SRCIN1: variants seen among roughly 807,000 people sequenced by gnomAD.
SRCIN1 encodes P130Cas-associated protein.
Under a neutral mutation model 116.2 loss-of-function variants are expected in SRCIN1, and 50 were observed. The ratio of observed to expected loss-of-function variants is 0.43; its 90% CI spans 0.34 to 0.54. The LOEUF is 0.54. Among genes scored for constraint, SRCIN1 ranks in the 20% least tolerant of loss-of-function variants. The probability of loss-of-function intolerance (pLI) is 0.02; values close to 1 mark genes in which losing one functional copy is unlikely to be tolerated. For synonymous variants in SRCIN1, 736 were observed against 750.0 expected (o/e 0.98, Z 0.30); for missense variants, 1,446 against 1,672.0 (o/e 0.86, Z 2.36).
chr17:38,541,032 G>A (rs1191153523), intron 18 of SRCIN1, among the ~76,000 whole-genome samples: 1 of 152,030 alleles, frequency 6.6e-6, no homozygotes, highest in Non-Finnish European at 1.5e-5. Context: ...GAGGTCAGGA[G>A]TTCAAGACCA....
In SRCIN1 at chr17:38,561,529, G is replaced by A; in HGVS notation, c.1634C>T (p.Pro545Leu). The change falls in exon 7 of 19, where the codon CCT (proline) becomes CTT (leucine). Residue 545 changes from proline (P) to leucine (L), a missense_variant. By Grantham distance (98) the Pro-to-Leu change is moderately conservative. Around this residue, in one of 5 missense-constraint regions of SRCIN1, gnomAD observed 398 missense variants for 385.6 expected, o/e 1.03. Transcript: ENST00000617146. ...TAGAPPSELF[P>L]GPGERSLVGF... is the part of the protein sequence containing the mutation. Reference sequence around the variant, plus strand: ...AACCAGCGAGCGTTCCCCAGGCCCAGGGAAGAGCTCCGAAGGGGGAGCTCC... The same window carrying A: ...AACCAGCGAGCGTTCCCCAGGCCCAAGGAAGAGCTCCGAAGGGGGAGCTCC... The A allele has an allele frequency of 1.9e-6, 3 of 1,599,496 alleles. No individual in the cohort carries two copies. The highest frequency in any genetic ancestry group is 2.5e-6 in the Non-Finnish European group (3 of 1,177,182).
At chr17:38,605,558 G>A in intron 1 of SRCIN1, 126 bp downstream of exon 1, 2 of 628,278 alleles carry the variant, frequency 3.2e-6, no homozygotes, top group Non-Finnish European at 4.7e-6. Context: ...CGCCCCGCCG[G>A]CCACCGCCTC....
At chr17:38,594,224 G>C (rs938782660) in intron 1 of SRCIN1, among the ~76,000 whole-genome samples, 3 of 152,198 alleles carry the variant, frequency 2.0e-5, no homozygotes, top group Admixed American at 6.6e-5. Context: ...GTCTCTCCGC[G>C]TTCTCCTGGC....
intron 2 of SRCIN1, among the ~76,000 whole-genome samples, chr17:38,570,326 C>A (rs1906997107): frequency 6.6e-6 from 1 of 152,212 alleles, no homozygotes; most frequent in African/African-American, 2.4e-5. Flanking sequence ...TAGCCAGTCA[C>A]AGAGGACAAG....
At chr17:38,555,724 C>A (rs1905742001) in intron 11 of SRCIN1, among the ~76,000 whole-genome samples, 1 of 152,192 alleles carries the variant, frequency 6.6e-6, no homozygotes, top group South Asian at 2.1e-4. Flanking sequence ...TCACACTAGA[C>A]CAACATCAGC....
chr17:38,559,354 C>G, intron 10 of SRCIN1: 1 of 562,514 alleles, frequency 1.8e-6, no homozygotes, highest in South Asian at 2.2e-5. Context: ...GAGGGGGTCA[C>G]GGGCGAGGGA....
Position 38,551,355 on chromosome 17 carries a change from G to A in SRCIN1, c.2762C>T (p.Ala921Val), listed in dbSNP as rs199667122. The A allele has an allele frequency of 1.9e-6, 3 of 1,613,382 alleles. No homozygotes were observed. Among genetic ancestry groups the A allele is most frequent in the African/African-American group, 1.3e-5 (1 of 75,018 alleles). The change falls in exon 15 of 19, where the codon GCC becomes GTC. Residue 921 changes from alanine to valine, a missense_variant. Ala to Val is a moderately conservative substitution (Grantham distance 64, BLOSUM62 0). Transcript: ENST00000617146. ...AERDWEEKRA[A>V]LTQYSAKDIN... The stretch of plus-strand genomic sequence containing the variant: ...GTCCTTGGCACTGTACTGGGTCAGG[G>A]CTGCCCGCTTCTCCTCCCAGTCTCG...
chr17:38,571,581 C>T (rs1451899447), intron 2 of SRCIN1, among the ~76,000 whole-genome samples: 1 of 152,132 alleles, frequency 6.6e-6, no homozygotes, highest in Non-Finnish European at 1.5e-5. Flanking sequence ...CTGTCTCCCT[C>T]CCCCATAGTC....
chr17:38,540,396 C>T (rs1265161116), intron 18 of SRCIN1, among the ~76,000 whole-genome samples: 1 of 150,826 alleles, frequency 6.6e-6, no homozygotes, highest in African/African-American at 2.4e-5. Context: ...CCTTGGGCAC[C>T]GCCCCCCCAA....
At chr17:38,559,851 TAC>T in intron 9 of SRCIN1, 79 bp from the exon 10 acceptor site, 1 of 1,438,508 alleles carries the variant, frequency 7.0e-7, no homozygotes, top group Non-Finnish European at 9.3e-7. Flanking sequence ...AAGTCCTCCC[TAC>T]TCTCCGACCC....
In SRCIN1 at chr17:38,561,481, G is replaced by A; in HGVS notation, c.1682C>T (p.Ala561Val). 1.3e-6 allele frequency: 2 copies of A among 1,590,492 alleles called. No homozygotes were observed. Among genetic ancestry groups the A allele is most frequent in the Non-Finnish European group, 1.7e-6 (2 of 1,175,850 alleles). Reference sequence around the variant, plus strand: ...CCCTCACCTGGTCTCCGTGTCCTTGGCTGGCACTGGCGGCCCGAACCCAAC... The same window carrying A: ...CCCTCACCTGGTCTCCGTGTCCTTGACTGGCACTGGCGGCCCGAACCCAAC... The part of the protein sequence containing the change: ...SLVGFGPPVP[A>V]KDTETRERME... Residue 561 changes from alanine (A) to valine (V), a missense_variant, in exon 7 of 19, where the codon GCC (alanine) becomes GTC (valine). Ala to Val is a moderately conservative substitution (Grantham distance 64). Coordinates refer to ENST00000617146, the MANE Select transcript of SRCIN1 (RefSeq NM_025248.3).
In SRCIN1 at chr17:38,552,971, G is replaced by A. The variant is rs1413296002; in HGVS notation, c.2202-116C>T. On this transcript the variant is annotated intron_variant, in intron 11 of 18. Transcript: ENST00000617146. This position sits in a 1 kb window ranked among gnomAD's most constrained non-coding sequence, Gnocchi z 5.3. The stretch of plus-strand genomic sequence containing the variant: ...CCAGTTGGATCGAAAGTAAAAGCAG[G>A]AGGCTGGGCACCGTGGCTCACGCCC... 4.0e-6 allele frequency: 6 copies of A among 1,485,064 alleles called. No individual in the cohort carries two copies. The highest frequency in any genetic ancestry group is 4.5e-6 in the Non-Finnish European group (5 of 1,109,540). The allele number at this position is 1,485,064 out of a possible 1,614,324, so 92.0% of individuals were successfully genotyped here.
At chr17:38,535,063 TG>T (rs2040980329) in intron 18 of SRCIN1, among the ~76,000 whole-genome samples, 1 of 152,000 alleles carries the variant, frequency 6.6e-6, no homozygotes, top group East Asian at 1.9e-4. Flanking sequence ...GCTCAGGAGG[TG>T]GAAGTGGCAG....
At chr17:38,533,968 T>TCCACCACCACCACCA (rs142815334) in intron 18 of SRCIN1, among the ~76,000 whole-genome samples, 2 of 151,742 alleles carry the variant, frequency 1.3e-5, no homozygotes, top group Non-Finnish European at 2.9e-5. Context: ...AAAGACCCCG[T>TCCACCACCACCACCA]CCACCACCAC....
rs1904938706 is a variant in SRCIN1 at position 38,544,279 on chromosome 17, A to G, written c.3271-310T>C. On this transcript the variant is annotated intron_variant, in intron 17 of 18. Transcript: ENST00000617146. This position sits in a 1 kb window ranked among gnomAD's most constrained non-coding sequence, Gnocchi z 4.5. ...ATGCCCTCCTTGGGGAGCCTCTGCT[A>G]AAGTGAGGGTCCCCAGCAGCAACCC... is the stretch of plus-strand genomic sequence containing the variant. Among the ~76,000 whole-genome samples, 1 of 152,022 alleles carries G rather than the reference A, an allele frequency of 6.6e-6. No homozygotes were observed. Among genetic ancestry groups the G allele is most frequent in the Admixed American group, 6.5e-5 (1 of 15,280 alleles).
chr17:38,538,416 C>CAAAAAAAAAAAAAAAAAAAAAA (rs536827040), intron 18 of SRCIN1, among the ~76,000 whole-genome samples: 1 of 100,570 alleles, frequency 9.9e-6, no homozygotes, highest in African/African-American at 3.7e-5. Context: ...GACTCCGTCT[C>CAAAAAAAAAAAAAAAAAAAAAA]AAAAAAAAAA....
chr17:38,562,423 G>A lies in SRCIN1; in HGVS notation c.835-95C>T, dbSNP rs1291958270. ...GCCAGCATCTCCTCCCTGACGCTTA[G>A]GAAGTCCCTTCTGCTCTCTGCCCTC... On this transcript the variant is annotated intron_variant, in intron 6 of 18. Coordinates refer to ENST00000617146, the MANE Select transcript of SRCIN1 (RefSeq NM_025248.3). This position sits in a 1 kb window ranked among gnomAD's most constrained non-coding sequence, Gnocchi z 4.2. The A allele has an allele frequency of 2.3e-6, 3 of 1,326,810 alleles. No individual in the cohort carries two copies. Among genetic ancestry groups the A allele is most frequent in the Non-Finnish European group, 2.9e-6 (3 of 1,024,744 alleles). The allele number at this position is 1,326,810 out of a possible 1,614,324, so 82.2% of individuals were successfully genotyped here.
intron 14 of SRCIN1, 76 bp from the exon 15 acceptor site, chr17:38,551,465 C>T: frequency 7.9e-7 from 1 of 1,263,544 alleles, no homozygotes; most frequent in Non-Finnish European, 1.1e-6. Context: ...CCTCCTCCCC[C>T]AAGCCACGTA....
At chr17:38,586,282 C>T (rs191881801) in intron 1 of SRCIN1, among the ~76,000 whole-genome samples, 71 of 152,294 alleles carry the variant, frequency 4.7e-4, no homozygotes, top group African/African-American at 1.6e-3. Context: ...TCGAGGCCAT[C>T]CCCCCAGCGT....
Sources: allele counts gnomAD v4.1 joint callset (sites outside exome capture counted in the v4.1 genomes callset), GRCh38; gene constraint gnomAD v4.1.1; regional missense constraint gnomAD v4.1.1; non-coding constraint Gnocchi (gnomAD v3.1); transcripts MANE v1.5; gene names NCBI Gene and HGNC (gene_info 2026-07-23, HGNC 2026-07-21).